The following SLC2A13 variants were observed in gnomAD, a reference collection of about 807,000 sequenced individuals.
The protein encoded by SLC2A13 is solute carrier family 2 member 13, also known as proton myo-inositol cotransporter.
Under a neutral mutation model 64.4 loss-of-function variants are expected in SLC2A13, and 32 were observed. That is an observed-to-expected ratio of 0.50 (90% CI 0.37 to 0.67). The LOEUF is 0.67. Among genes scored for constraint, SLC2A13 ranks in the 30% least tolerant of loss-of-function variants. The pLI is 0.00. For synonymous variants in SLC2A13, 338 were observed against 327.1 expected (o/e 1.03, Z -0.36); for missense variants, 743 against 829.2 (o/e 0.90, Z 1.28).
chr12:40,054,497 T>C (rs1948306502), intron 1 of SLC2A13, among the ~76,000 whole-genome samples: 1 of 152,190 alleles, frequency 6.6e-6, no homozygotes, highest in Non-Finnish European at 1.5e-5. Flanking sequence ...CAAAAATCCA[T>C]GTTGGTGTTA....
chr12:39,793,346 G>A (rs1345853168), intron 7 of SLC2A13, among the ~76,000 whole-genome samples: 2 of 152,062 alleles, frequency 1.3e-5, no homozygotes, highest in Admixed American at 1.3e-4. Context: ...CTAAATAAAT[G>A]CAGAGATGTA....
At chr12:39,764,347 C>T in intron 9 of SLC2A13, 113 bp downstream of exon 9, 1 of 1,005,458 alleles carries the variant, frequency 9.9e-7, no homozygotes. Flanking sequence ...CATGGAGATA[C>T]TTATAACAGC....
chr12:40,102,584 A>G (rs371551618), intron 1 of SLC2A13, among the ~76,000 whole-genome samples: 1 of 152,252 alleles, frequency 6.6e-6, no homozygotes, highest in East Asian at 1.9e-4. Context: ...AGAAGTTCTT[A>G]GAGCAAACTT....
chr12:39,973,572 A>T (rs1946707093), intron 3 of SLC2A13, among the ~76,000 whole-genome samples: 1 of 152,190 alleles, frequency 6.6e-6, no homozygotes, highest in Non-Finnish European at 1.5e-5. Flanking sequence ...ATTGAAATAT[A>T]CAACTGGTAT....
chr12:39,829,813 T>G, intron 7 of SLC2A13: 1 of 362,010 alleles, frequency 2.8e-6, no homozygotes, highest in Non-Finnish European at 5.2e-6. Context: ...GTGGGAGAAA[T>G]TGCCTTGGCA....
chr12:40,029,404 T>A (rs2136217572), intron 2 of SLC2A13, among the ~76,000 whole-genome samples: 1 of 152,326 alleles, frequency 6.6e-6, no homozygotes, highest in African/African-American at 2.4e-5. Flanking sequence ...TGTTTTCTGT[T>A]AATCCAACTT....
At chr12:39,882,398 T>C (rs548345932) in intron 4 of SLC2A13, among the ~76,000 whole-genome samples, 1 of 152,326 alleles carries the variant, frequency 6.6e-6, no homozygotes, top group Admixed American at 6.5e-5. Flanking sequence ...TCAAATCCCC[T>C]AGCCTGTTAA....
chr12:40,041,210 T>C (rs1948083847), intron 2 of SLC2A13, among the ~76,000 whole-genome samples: 2 of 152,070 alleles, frequency 1.3e-5, no homozygotes, highest in South Asian at 2.1e-4. Context: ...ATCTAATGTG[T>C]TATGAAAGTG....
intron 3 of SLC2A13, among the ~76,000 whole-genome samples, chr12:39,971,746 G>A (rs1202787317): frequency 6.6e-6 from 1 of 151,802 alleles, no homozygotes; most frequent in Non-Finnish European, 1.5e-5. Context: ...AGGCCGAGGT[G>A]GGCAGATCAC....
At chr12:39,872,057 T>C in intron 4 of SLC2A13, 96 bp from the exon 5 acceptor site, 1 of 1,021,240 alleles carries the variant, frequency 9.8e-7, no homozygotes, top group Non-Finnish European at 1.3e-6. Context: ...GAAAAAAATA[T>C]AAGGAGAACT....
intron 4 of SLC2A13, among the ~76,000 whole-genome samples, chr12:39,902,979 A>T (rs2136021691): frequency 6.6e-6 from 1 of 152,238 alleles, no homozygotes; most frequent in East Asian, 1.9e-4. Context: ...GTTCATAAAA[A>T]GCTAATCTCC....
intron 7 of SLC2A13, among the ~76,000 whole-genome samples, chr12:39,766,457 T>C (rs1320055915): frequency 6.6e-6 from 1 of 152,098 alleles, no homozygotes; most frequent in Non-Finnish European, 1.5e-5. Flanking sequence ...CATCATCTTT[T>C]TGGTGGAGGG....
intron 3 of SLC2A13, among the ~76,000 whole-genome samples, chr12:40,001,868 C>T (rs773365978): frequency 2.0e-5 from 3 of 152,106 alleles, no homozygotes; most frequent in East Asian, 1.9e-4. Flanking sequence ...GCAGCATTTT[C>T]GTTGATAATT....
At chr12:39,929,879 C>T (rs1247496164) in intron 4 of SLC2A13, among the ~76,000 whole-genome samples, 1 of 152,084 alleles carries the variant, frequency 6.6e-6, no homozygotes, top group Non-Finnish European at 1.5e-5. Flanking sequence ...GCCTGTAATC[C>T]CAGCACTTTG....
intron 4 of SLC2A13, among the ~76,000 whole-genome samples, chr12:39,923,596 T>A (rs1323357226): frequency 6.6e-6 from 1 of 151,744 alleles, no homozygotes; most frequent in Non-Finnish European, 1.5e-5. Flanking sequence ...TTGCACAACA[T>A]TGTAAATATA....
At chr12:39,803,522 T>C (rs1418113460) in intron 7 of SLC2A13, among the ~76,000 whole-genome samples, 1 of 152,132 alleles carries the variant, frequency 6.6e-6, no homozygotes, top group East Asian at 1.9e-4. Context: ...TTTAAAAAGA[T>C]ATAAAATGTA....
intron 1 of SLC2A13, among the ~76,000 whole-genome samples, chr12:40,103,245 C>T (rs966632488): frequency 1.3e-5 from 2 of 152,178 alleles, no homozygotes; most frequent in African/African-American, 2.4e-5. Context: ...CTATGCTTTC[C>T]TTCCTTTACC....
rs189845831 is a variant in SLC2A13 at position 40,006,037 on chromosome 12, G to A, written c.925+22264C>T. On this transcript the variant is annotated intron_variant, in intron 3 of 9. Transcript: ENST00000280871. ...TCAAACAGGGTTAAAATTTGAAAAA[G>A]AAAAACAGTACATGAATGTTTTAAG... is the stretch of plus-strand genomic sequence containing the variant. Among the ~76,000 whole-genome samples, 1,165 of 152,172 alleles carry A rather than the reference G, an allele frequency of 7.7e-3. 13 individuals are homozygous for A. Among genetic ancestry groups the A allele is most frequent in the Non-Finnish European group, 0.012 (812 of 67,996 alleles).
At chr12:39,809,952 G>A (rs1285197663) in intron 7 of SLC2A13, among the ~76,000 whole-genome samples, 1 of 152,142 alleles carries the variant, frequency 6.6e-6, no homozygotes, top group African/African-American at 2.4e-5. Flanking sequence ...ATTGTGAATA[G>A]TGCCGCAATA....
Sources: gnomAD v4.1 joint callset for allele counts (sites outside exome capture counted in the v4.1 genomes callset) on GRCh38, gnomAD v4.1.1 for gene constraint, MANE v1.5 for transcripts, NCBI Gene and HGNC (gene_info 2026-07-23, HGNC 2026-07-21) for gene names.